ADCY3: variants seen among roughly 807,000 people sequenced by gnomAD.
ADCY3 encodes the protein adenylate cyclase type 3.
ADCY3 carries 70 observed loss-of-function variants against 119.4 expected under a neutral mutation model. The ratio of observed to expected loss-of-function variants is 0.59; its 90% CI spans 0.48 to 0.72. The LOEUF is 0.72. Ranked by LOEUF, ADCY3 falls within the 30% of genes least tolerant of loss-of-function variation. The pLI is 0.00. For synonymous variants in ADCY3, 672 were observed against 621.4 expected (o/e 1.08, Z -1.21); for missense variants, 1,238 against 1,541.6 (o/e 0.80, Z 3.30).
At position 24,819,316 on chromosome 2, in the gene ADCY3, A is replaced by G. The variant is rs1558386163; in HGVS notation, c.*616T>C. 1 of 152,570 alleles carries G rather than the reference A, an allele frequency of 6.6e-6. No individual in the cohort carries two copies. Among genetic ancestry groups the G allele is most frequent in the East Asian group, 1.9e-4 (1 of 5,176 alleles). 9.5% of individuals were successfully genotyped at this position (152,570 alleles called of 1,614,324 possible). A position where few individuals can be genotyped will look rare whatever the true frequency, so the allele number is the denominator to read the frequency against. ...GTGTATTTAACAGAAGATTAAAAAT[A>G]TAAATGTAGAAGATCTGTTTATATA... On this transcript the variant is annotated 3_prime_UTR_variant, in exon 22 of 22. Coordinates refer to ENST00000679454, the MANE Select transcript of ADCY3 (RefSeq NM_004036.5).
At chr2:24,847,782 C>A (rs898093408) in intron 3 of ADCY3, among the ~76,000 whole-genome samples, 1 of 152,228 alleles carries the variant, frequency 6.6e-6, no homozygotes, top group Admixed American at 6.5e-5. Context: ...AGATGGGGCC[C>A]CACCAGCTCT....
At chr2:24,887,542 C>T (rs1175762350) in intron 2 of ADCY3, among the ~76,000 whole-genome samples, 1 of 152,076 alleles carries the variant, frequency 6.6e-6, no homozygotes, top group African/African-American at 2.4e-5. Flanking sequence ...CATCATGCAG[C>T]GATAGCCGTG....
At chr2:24,832,019 GGGACCGGGGGCAGGGGCCAGCAGACAA>G (rs1485822148) in intron 11 of ADCY3, 11 of 122,712 alleles carry the variant, frequency 9.0e-5, no homozygotes, top group Admixed American at 4.8e-4. Context: ...CCAGCAGACA[GGGACCGGGGGCAGGGGCCAGCAGACAA>G]GGACCGGGGG....
Position 24,918,756 on chromosome 2 carries a change from G to A in ADCY3, c.232C>T (p.Leu78=). The change falls in exon 2 of 22, where the codon CTG becomes TTG. Residue 78 remains leucine, a synonymous_variant. Coordinates refer to ENST00000679454, the MANE Select transcript of ADCY3 (RefSeq NM_004036.5). The surrounding 1 kb of genome is among the most constrained non-coding windows in gnomAD (Gnocchi z 5.4). ...GCTGCAAAGACCACCAGCACCAGCA[G>A]GGTCTCGTGGCGCTGCCTTTTGAAG... ...TYFKRQRHET[L]LVLVVFAALF... 4.3e-6 allele frequency: 7 copies of A among 1,614,122 alleles called. No individual in the cohort carries two copies. Among genetic ancestry groups the A allele is most frequent in the Non-Finnish European group, 5.9e-6 (7 of 1,180,038 alleles).
At chr2:24,914,172 G>C (rs1401089542) in intron 2 of ADCY3, among the ~76,000 whole-genome samples, 2 of 152,202 alleles carry the variant, frequency 1.3e-5, no homozygotes, top group African/African-American at 2.4e-5. Context: ...GCCAGCCTCG[G>C]CTCCTCCTGA....
chr2:24,887,146 C>A (rs1677123976), intron 2 of ADCY3, among the ~76,000 whole-genome samples: 1 of 152,138 alleles, frequency 6.6e-6, no homozygotes, highest in Non-Finnish European at 1.5e-5. Flanking sequence ...GCGAAAGGGT[C>A]ACAAAACACC....
chr2:24,913,516 A>G (rs1431675252), intron 2 of ADCY3, among the ~76,000 whole-genome samples: 1 of 152,222 alleles, frequency 6.6e-6, no homozygotes, highest in East Asian at 1.9e-4. Context: ...TTTCTCACTC[A>G]TCAGTGACCC....
At chr2:24,848,583 T>C (rs1053278675) in intron 3 of ADCY3, among the ~76,000 whole-genome samples, 1 of 152,140 alleles carries the variant, frequency 6.6e-6, no homozygotes, top group Non-Finnish European at 1.5e-5. Context: ...TAAGGCAGGA[T>C]ACTAAACCTC....
intron 2 of ADCY3, among the ~76,000 whole-genome samples, chr2:24,903,361 A>C (rs6712981): frequency 6.6e-6 from 1 of 151,766 alleles, no homozygotes; most frequent in African/African-American, 2.4e-5. Context: ...ACACACAGTC[A>C]TGTAACCACT....
intron 3 of ADCY3, among the ~76,000 whole-genome samples, chr2:24,847,771 G>A (rs1391454611): frequency 6.6e-6 from 1 of 152,240 alleles, no homozygotes; most frequent in Non-Finnish European, 1.5e-5. Context: ...AGAAAAGCCA[G>A]AGATGGGGCC....
At chr2:24,824,169 C>G (rs1668253001) in intron 17 of ADCY3, among the ~76,000 whole-genome samples, 1 of 152,226 alleles carries the variant, frequency 6.6e-6, no homozygotes, top group African/African-American at 2.4e-5. Context: ...AGCTGTACGG[C>G]CCACATCACG....
At chr2:24,916,351 G>A (rs1401188767) in intron 2 of ADCY3, among the ~76,000 whole-genome samples, 1 of 152,166 alleles carries the variant, frequency 6.6e-6, no homozygotes, top group Non-Finnish European at 1.5e-5. Flanking sequence ...CTGAGGAGAT[G>A]GAGCTAGAGA....
chr2:24,883,853 G>C (rs1676696407), intron 2 of ADCY3, among the ~76,000 whole-genome samples: 2 of 152,180 alleles, frequency 1.3e-5, no homozygotes, highest in Admixed American at 1.3e-4. Flanking sequence ...TTATTCTCTT[G>C]TGTTTGTGGC....
rs1480821216 is a variant in ADCY3 at position 24,918,447 on chromosome 2, T to C, written c.541A>G (p.Ile181Val). 1.2e-6 allele frequency: 2 copies of C among 1,613,640 alleles called. No individual in the cohort carries two copies. The highest frequency in any genetic ancestry group is 1.7e-4 in the Middle Eastern group (1 of 6,060). The part of the protein sequence containing the change: ...WQVFFVFSFF[I>V]TLPLSLSPIV... ...GGGCTGAGGCTGAGGGGCAGCGTGATGAAGAAGGAGAAGACAAAGAAGACC... is the reference window on the plus strand; with the variant it reads ...GGGCTGAGGCTGAGGGGCAGCGTGACGAAGAAGGAGAAGACAAAGAAGACC... The change falls in exon 2 of 22, where the codon ATC becomes GTC. Residue 181 changes from isoleucine (I) to valine (V), a missense_variant. Ile to Val is a conservative substitution (Grantham distance 29). Transcript: ENST00000679454. The surrounding 1 kb of genome is among the most constrained non-coding windows in gnomAD (Gnocchi z 5.4).
At chr2:24,828,389 A>G (rs1668927253) in intron 13 of ADCY3, among the ~76,000 whole-genome samples, 1 of 152,170 alleles carries the variant, frequency 6.6e-6, no homozygotes, top group African/African-American at 2.4e-5. Context: ...TCTCTCGAGT[A>G]TTTTTAGTAC....
chr2:24,911,219 T>C (rs186486999), intron 2 of ADCY3, among the ~76,000 whole-genome samples: 1,148 of 104,164 alleles, frequency 0.011, 13 homozygotes, highest in Non-Finnish European at 0.017. Context: ...TAAGGGTTCT[T>C]TTTTTTTTTT....
Position 24,919,667 on chromosome 2 carries a change from CTG to C in ADCY3, c.-198+14_-198+15del, listed in dbSNP as rs928694712. ...TGTCTTCCCCCCCGGAAGCCTGGCCCTGCCCCTGCGTTTACCTGTGCGGGAAC... is the reference window on the plus strand; with the variant it reads ...TGTCTTCCCCCCCGGAAGCCTGGCCCCCCCTGCGTTTACCTGTGCGGGAAC... On this transcript the variant is annotated intron_variant, in intron 1 of 21. Coordinates refer to ENST00000679454, the MANE Select transcript of ADCY3 (RefSeq NM_004036.5). The surrounding 1 kb of genome is among the most constrained non-coding windows in gnomAD (Gnocchi z 5.5). 2 of 152,440 alleles carry C rather than the reference CTG, an allele frequency of 1.3e-5. No homozygotes were observed. The highest frequency in any genetic ancestry group is 2.9e-5 in the Non-Finnish European group (2 of 68,232). The allele number at this position is 152,440 out of a possible 1,614,324, so 9.4% of individuals were successfully genotyped here.
chr2:24,892,049 C>T (rs181298749), intron 2 of ADCY3, among the ~76,000 whole-genome samples: 5 of 152,278 alleles, frequency 3.3e-5, no homozygotes, highest in South Asian at 2.1e-4. Context: ...GCTTTGTCTG[C>T]GTCTGCTAAT....
chr2:24,826,288 A>AGGCCCTTTCAC, intron 15 of ADCY3, 162 bp from the exon 16 acceptor site: 1 of 623,270 alleles, frequency 1.6e-6, no homozygotes, highest in Non-Finnish European at 2.8e-6. Flanking sequence ...CCGGGCAGTA[A>AGGCCCTTTCAC]AATTTTCTTA....
Sources: allele counts gnomAD v4.1 joint callset (sites outside exome capture counted in the v4.1 genomes callset), GRCh38; gene constraint gnomAD v4.1.1; non-coding constraint Gnocchi (gnomAD v3.1); transcripts MANE v1.5; gene names NCBI Gene and HGNC (gene_info 2026-07-23, HGNC 2026-07-21).